Variants in SHROOM2 observed in about 807,000 individuals in gnomAD.
SHROOM2 encodes shroom family member 2.
Under a neutral mutation model 75.9 loss-of-function variants are expected in SHROOM2, and 33 were observed. That is an observed-to-expected ratio of 0.43 (90% CI 0.33 to 0.58). The LOEUF is 0.58. Among genes scored for constraint, SHROOM2 ranks in the 20% least tolerant of loss-of-function variants. SHROOM2 has a pLI of 0.04. For synonymous variants in SHROOM2, 655 were observed against 663.6 expected, an observed-to-expected ratio of 0.99 and a Z score of 0.20; for missense variants, 1,434 against 1,461.2, an observed-to-expected ratio of 0.98 and a Z score of 0.30.
intron 1 of SHROOM2, among the ~76,000 whole-genome samples, chrX:9,806,919 TCAC>T (rs1190808640): frequency 2.7e-5 from 3 of 111,635 alleles, no homozygotes; most frequent in African/African-American, 6.5e-5. Flanking sequence ...AGCTGGGCTT[TCAC>T]CATGTTAGCC....
intron 1 of SHROOM2, among the ~76,000 whole-genome samples, chrX:9,789,631 C>A (rs938012594): frequency 9.0e-6 from 1 of 110,965 alleles, no homozygotes; most frequent in African/African-American, 3.3e-5. Flanking sequence ...TCTAAAATGT[C>A]ACTAGAGTGG....
chrX:9,927,745 C>A (rs2084609428), intron 5 of SHROOM2, among the ~76,000 whole-genome samples: 1 of 112,143 alleles, frequency 8.9e-6, no homozygotes, highest in African/African-American at 3.2e-5. Flanking sequence ...AAGGAAATAG[C>A]CCAGATCCCT....
intron 1 of SHROOM2, among the ~76,000 whole-genome samples, chrX:9,859,909 T>C (rs1043560303): frequency 1.8e-5 from 2 of 111,764 alleles, no homozygotes; most frequent in Non-Finnish European, 3.8e-5. Context: ...CGGCTGCCTG[T>C]TTCCTGCCGT....
At chrX:9,843,641 T>G (rs2083991024) in intron 1 of SHROOM2, among the ~76,000 whole-genome samples, 1 of 112,482 alleles carries the variant, frequency 8.9e-6, no homozygotes, top group Admixed American at 9.4e-5. Context: ...CCTCAAGTGA[T>G]CCACCTGCGT....
At chrX:9,911,386 A>G (rs186050042) in intron 5 of SHROOM2, among the ~76,000 whole-genome samples, 2 of 112,721 alleles carry the variant, frequency 1.8e-5, no homozygotes, top group East Asian at 5.6e-4. Flanking sequence ...AATAGCAGTG[A>G]TACAGTATAG....
chrX:9,843,218 C>T (rs1372498624), intron 1 of SHROOM2, among the ~76,000 whole-genome samples: 4 of 108,131 alleles, frequency 3.7e-5, no homozygotes, highest in Non-Finnish European at 7.7e-5. Flanking sequence ...CTTCCAATTA[C>T]CATATATCCC....
intron 8 of SHROOM2, 78 bp from the exon 9 acceptor site, chrX:9,944,563 G>A: frequency 1.9e-6 from 2 of 1,044,227 alleles, no homozygotes; most frequent in Non-Finnish European, 2.6e-6. Flanking sequence ...GCGCCAAGGT[G>A]GCAGTGAGCA....
Position 9,833,850 on chromosome X carries a change from G to A in SHROOM2, c.166-39802G>A, listed in dbSNP as rs181356893. On this transcript the variant is annotated intron_variant, in intron 1 of 9. Transcript: ENST00000380913. Reference sequence around the variant, plus strand: ...TCCCTGTCCCACCCCACTGAGATCCGACGGCCTCCTTCCTGCTGGCCTAGT... The same window carrying A: ...TCCCTGTCCCACCCCACTGAGATCCAACGGCCTCCTTCCTGCTGGCCTAGT... 1.4e-3 allele frequency among the ~76,000 whole-genome samples: 159 copies of A among 111,249 alleles called. 2 individuals carry two copies. In the South Asian group the frequency reaches 0.018, roughly 13 times the overall value.
intron 1 of SHROOM2, among the ~76,000 whole-genome samples, chrX:9,859,250 G>GT (rs750893070): frequency 5.5e-5 from 6 of 108,122 alleles, no homozygotes; most frequent in African/African-American, 2.0e-4. Flanking sequence ...TACAGGTTTT[G>GT]TTTTTTCCTC....
intron 1 of SHROOM2, among the ~76,000 whole-genome samples, chrX:9,789,963 G>A (rs906665061): frequency 4.9e-5 from 2 of 40,574 alleles, no homozygotes; most frequent in African/African-American, 8.3e-5. Context: ...GGTCTGGGAC[G>A]CTTGGAGGTC....
At position 9,939,678 on chromosome X, in the gene SHROOM2, T is replaced by C. The variant is rs767614587; in HGVS notation, c.4311+312T>C. Among the ~76,000 whole-genome samples, 3 of 112,646 alleles carry C rather than the reference T, an allele frequency of 2.7e-5. No individual in the cohort carries two copies. The South Asian group carries it at 1.1e-3, about 41-fold the overall frequency. ...ATTTTTGAGACAGGGTCTTGCTCTGTCGTGCAGGCTTGAGTGCAATGGTGC... is the reference window on the plus strand; with the variant it reads ...ATTTTTGAGACAGGGTCTTGCTCTGCCGTGCAGGCTTGAGTGCAATGGTGC... On this transcript the variant is annotated intron_variant, in intron 8 of 9. Coordinates refer to ENST00000380913, the MANE Select transcript of SHROOM2 (RefSeq NM_001649.4).
chrX:9,855,872 A>T (rs1485506145), intron 1 of SHROOM2, among the ~76,000 whole-genome samples: 1 of 111,397 alleles, frequency 9.0e-6, no homozygotes, highest in Non-Finnish European at 1.9e-5. Flanking sequence ...AGGTGGGCAG[A>T]TTCCACCATC....
At chrX:9,825,911 C>T (rs1340144178) in intron 1 of SHROOM2, among the ~76,000 whole-genome samples, 1 of 112,309 alleles carries the variant, frequency 8.9e-6, no homozygotes, top group Non-Finnish European at 1.9e-5. Context: ...GCCTGCTGTG[C>T]TTCTGGGCAC....
Position 9,946,992 on chromosome X carries a change from C to A in SHROOM2, c.*55C>A. On this transcript the variant is annotated 3_prime_UTR_variant, in exon 10 of 10. Coordinates refer to ENST00000380913, the MANE Select transcript of SHROOM2 (RefSeq NM_001649.4). ...GGGGCCTCCGAGCTCCAGCTCCGTTCCCAAGGATACTCGTGAAGACCCCAT... is the reference window on the plus strand; with the variant it reads ...GGGGCCTCCGAGCTCCAGCTCCGTTACCAAGGATACTCGTGAAGACCCCAT... 9.2e-7 allele frequency: 1 copy of A among 1,090,589 alleles called. No individual in the cohort carries two copies. The highest frequency in any genetic ancestry group is 2.2e-5 in the South Asian group (1 of 45,236). 89.9% of individuals were successfully genotyped at this position (1,090,589 alleles called of 1,213,427 possible). A position where few individuals can be genotyped will look rare whatever the true frequency, so the allele number is the denominator to read the frequency against.
Position 9,787,738 on chromosome X carries a change from T to C in SHROOM2, c.165+1028T>C, listed in dbSNP as rs578141773. Among the ~76,000 whole-genome samples the C allele has an allele frequency of 1.1e-4, 12 of 112,475 alleles. No homozygotes were observed. In the South Asian group the frequency reaches 4.4e-3, roughly 42 times the overall value. On this transcript the variant is annotated intron_variant, in intron 1 of 9. Coordinates refer to ENST00000380913, the MANE Select transcript of SHROOM2 (RefSeq NM_001649.4). The stretch of plus-strand genomic sequence containing the variant: ...TGAGACACCAGCGTCTTCCATTCTA[T>C]ATTTTCTGTCGCTTTTATGATTACA...
chrX:9,885,953 A>G (rs1162710752), intron 2 of SHROOM2, among the ~76,000 whole-genome samples: 5 of 107,736 alleles, frequency 4.6e-5, no homozygotes, highest in African/African-American at 1.7e-4. Flanking sequence ...AGCCTGTCAA[A>G]AAAAAAAAAA....
intron 5 of SHROOM2, among the ~76,000 whole-genome samples, chrX:9,902,837 C>A: frequency 9.0e-6 from 1 of 111,658 alleles, no homozygotes; most frequent in East Asian, 2.8e-4. Context: ...TCCTTCTGTG[C>A]CTTCTTGCAG....
intron 1 of SHROOM2, among the ~76,000 whole-genome samples, chrX:9,831,354 G>A (rs2083915041): frequency 8.9e-6 from 1 of 112,252 alleles, no homozygotes; most frequent in Non-Finnish European, 1.9e-5. Context: ...GTCTGTTCAG[G>A]TTTCTATAAC....
chrX:9,818,052 G>A (rs760246922), intron 1 of SHROOM2, among the ~76,000 whole-genome samples: 2 of 112,419 alleles, frequency 1.8e-5, no homozygotes, highest in South Asian at 7.4e-4. Context: ...GCTCACTGAT[G>A]TGTGTATGGA....
Sources: allele counts gnomAD v4.1 joint callset (sites outside exome capture counted in the v4.1 genomes callset), GRCh38; gene constraint gnomAD v4.1.1; transcripts MANE v1.5; gene names NCBI Gene and HGNC (gene_info 2026-07-23, HGNC 2026-07-21).